The following CSGALNACT1 variants were observed in gnomAD, a reference collection of about 807,000 sequenced individuals.
CSGALNACT1 encodes the protein beta4GalNAcT-1.
In CSGALNACT1, 52 loss-of-function variants were observed where a neutral mutation model predicts 51.0. The ratio of observed to expected loss-of-function variants is 1.02; its 90% CI spans 0.82 to 1.29. CSGALNACT1 has a LOEUF of 1.29. Ranked by LOEUF, CSGALNACT1 falls within the 50% of genes most tolerant of loss-of-function variation. The pLI is 0.00. For missense variants in CSGALNACT1, 935 were observed against 679.2 expected, an observed-to-expected ratio of 1.38 and a Z score of -4.19; for synonymous variants, 341 against 254.4, an observed-to-expected ratio of 1.34 and a Z score of -3.24.
At chr8:19,688,383 T>G (rs1281244418) in intron 1 of CSGALNACT1, among the ~76,000 whole-genome samples, 1 of 152,142 alleles carries the variant, frequency 6.6e-6, no homozygotes, top group Non-Finnish European at 1.5e-5. Flanking sequence ...TAAAACAAAA[T>G]GGTAGACAAG....
At chr8:19,630,647 C>G (rs1002099423) in intron 1 of CSGALNACT1, among the ~76,000 whole-genome samples, 1 of 152,196 alleles carries the variant, frequency 6.6e-6, no homozygotes, top group South Asian at 2.1e-4. Flanking sequence ...CCCTCCCCCA[C>G]AAAACCACCA....
At chr8:19,405,805 T>C in exon 10 of CSGALNACT1, 2 of 1,613,658 alleles carry the variant, frequency 1.2e-6, no homozygotes, top group Non-Finnish European at 1.7e-6. Flanking sequence ...ACTTGTCTTC[T>C]GTTTCTGTTT....
chr8:19,484,571 G>C (rs1193406806), intron 4 of CSGALNACT1, among the ~76,000 whole-genome samples: 3 of 152,126 alleles, frequency 2.0e-5, no homozygotes. Context: ...AACGTTACTG[G>C]CATTCTCATT....
intron 5 of CSGALNACT1, among the ~76,000 whole-genome samples, chr8:19,454,277 A>C (rs2063689534): frequency 6.6e-6 from 1 of 152,252 alleles, no homozygotes; most frequent in South Asian, 2.1e-4. Flanking sequence ...AGCTATTGGA[A>C]GAGGACTGCT....
intron 1 of CSGALNACT1, among the ~76,000 whole-genome samples, chr8:19,664,159 T>G (rs2058993007): frequency 1.3e-5 from 2 of 152,220 alleles, no homozygotes; most frequent in East Asian, 1.9e-4. Flanking sequence ...TAAATGTTCC[T>G]TAGACTCACA....
intron 8 of CSGALNACT1, among the ~76,000 whole-genome samples, chr8:19,414,868 C>T (rs1293628488): frequency 6.6e-6 from 1 of 152,172 alleles, no homozygotes; most frequent in African/African-American, 2.4e-5. Context: ...TATATAGGTA[C>T]CATCTCTTTC....
intron 4 of CSGALNACT1, among the ~76,000 whole-genome samples, chr8:19,474,817 A>G (rs999493945): frequency 8.7e-5 from 12 of 137,542 alleles, no homozygotes; most frequent in Non-Finnish European, 1.8e-4. Flanking sequence ...CAGTGAGCTG[A>G]GATCGCACCA....
intron 8 of CSGALNACT1, among the ~76,000 whole-genome samples, chr8:19,416,344 A>G (rs2056874464): frequency 6.6e-6 from 1 of 152,020 alleles, no homozygotes; most frequent in Non-Finnish European, 1.5e-5. Context: ...CGAACTCCTG[A>G]CCTCATGATT....
intron 1 of CSGALNACT1, among the ~76,000 whole-genome samples, chr8:19,720,551 G>A (rs1002923692): frequency 2.6e-5 from 4 of 152,190 alleles, no homozygotes; most frequent in Admixed American, 2.0e-4. Context: ...TGGTAGAACT[G>A]TATGCATTAC....
At chr8:19,540,429 T>C (rs2084833555) in intron 3 of CSGALNACT1, among the ~76,000 whole-genome samples, 1 of 152,302 alleles carries the variant, frequency 6.6e-6, no homozygotes, top group Admixed American at 6.5e-5. Flanking sequence ...ACTGTGTGGA[T>C]ACAAAAGTGA....
At chr8:19,523,531 A>C (rs1413523493) in intron 3 of CSGALNACT1, among the ~76,000 whole-genome samples, 1 of 152,010 alleles carries the variant, frequency 6.6e-6, no homozygotes, top group East Asian at 1.9e-4. Context: ...TGGCCTCCCA[A>C]AGTGGTGAGA....
chr8:19,418,548 G>T, intron 8 of CSGALNACT1, 108 bp downstream of exon 7: 1 of 785,420 alleles, frequency 1.3e-6, no homozygotes, highest in Non-Finnish European at 2.3e-6. Context: ...AACTACTAAG[G>T]GAATCATTGC....
chr8:19,429,719 T>G (rs1423139970), intron 6 of CSGALNACT1, among the ~76,000 whole-genome samples: 1 of 152,250 alleles, frequency 6.6e-6, no homozygotes, highest in African/African-American at 2.4e-5. Flanking sequence ...AATACTTACT[T>G]TCTGTTCTTT....
At position 19,471,558 on chromosome 8, in the gene CSGALNACT1, T is replaced by C. The variant is rs1008965549; in HGVS notation, c.635-12916A>G. ...TGCCCCTCAGTCGAATTCTTTCTTCTGAGGCGGCAAGGACTGAAGTTGCTG... is the reference window on the plus strand; with the variant it reads ...TGCCCCTCAGTCGAATTCTTTCTTCCGAGGCGGCAAGGACTGAAGTTGCTG... On this transcript the variant is annotated intron_variant, in intron 4 of 9. Transcript: ENST00000454498. Among the ~76,000 whole-genome samples the C allele has an allele frequency of 2.6e-5, 4 of 152,204 alleles. No individual in the cohort carries two copies. The East Asian group carries it at 7.7e-4, about 29-fold the overall frequency.
At chr8:19,492,948 T>C (rs2074675931) in intron 4 of CSGALNACT1, among the ~76,000 whole-genome samples, 1 of 152,090 alleles carries the variant, frequency 6.6e-6, no homozygotes, top group Non-Finnish European at 1.5e-5. Context: ...GCCTGTCCAG[T>C]GTATGGCATA....
At chr8:19,634,399 C>T (rs1378816819) in intron 1 of CSGALNACT1, among the ~76,000 whole-genome samples, 2 of 152,238 alleles carry the variant, frequency 1.3e-5, no homozygotes, top group Non-Finnish European at 2.9e-5. Flanking sequence ...TGTGGTGGCT[C>T]ATGCCTGTAA....
intron 1 of CSGALNACT1, among the ~76,000 whole-genome samples, chr8:19,721,945 T>C (rs1373579261): frequency 6.6e-6 from 1 of 152,134 alleles, no homozygotes; most frequent in Non-Finnish European, 1.5e-5. Flanking sequence ...AAATCTAAAA[T>C]GTTGCTACAG....
intron 4 of CSGALNACT1, among the ~76,000 whole-genome samples, chr8:19,502,596 T>A (rs2153987974): frequency 6.6e-6 from 1 of 152,348 alleles, no homozygotes; most frequent in African/African-American, 2.4e-5. Flanking sequence ...CTCCTGTTTC[T>A]AACCAACTTT....
At chr8:19,443,288 G>A (rs1437981833) in intron 5 of CSGALNACT1, among the ~76,000 whole-genome samples, 2 of 152,202 alleles carry the variant, frequency 1.3e-5, no homozygotes, top group African/African-American at 4.8e-5. Flanking sequence ...GCATGTAAAT[G>A]TATGTATGTG....
Sources: allele counts gnomAD v4.1 joint callset (sites outside exome capture counted in the v4.1 genomes callset), GRCh38; gene constraint gnomAD v4.1.1; transcripts MANE v1.5; gene names NCBI Gene and HGNC (gene_info 2026-07-23, HGNC 2026-07-21).